DPYD: variants seen among roughly 807,000 people sequenced by gnomAD.
DPYD encodes the protein dihydropyrimidine dehydrogenase [NADP(+)].
DPYD carries 109 observed loss-of-function variants against 116.2 expected under a neutral mutation model. The ratio of observed to expected loss-of-function variants is 0.94; its 90% CI spans 0.80 to 1.10. DPYD has a LOEUF of 1.10. Among genes scored for constraint, DPYD ranks in the 50% least tolerant of loss-of-function variants. DPYD has a pLI of 0.00. For missense variants in DPYD, 1,302 were observed against 1,254.5 expected (o/e 1.04, Z -0.57); for synonymous variants, 440 against 432.0 (o/e 1.02, Z -0.23).
chr1:97,755,142 A>G (rs1434709742), intron 3 of DPYD, among the ~76,000 whole-genome samples: 1 of 152,146 alleles, frequency 6.6e-6, no homozygotes, highest in Non-Finnish European at 1.5e-5. Flanking sequence ...AGGTCTCAAG[A>G]ACAACTATAG....
At chr1:97,671,950 T>TA (rs1346569811) in intron 8 of DPYD, among the ~76,000 whole-genome samples, 2 of 148,734 alleles carry the variant, frequency 1.3e-5, no homozygotes, top group African/African-American at 4.9e-5. Flanking sequence ...TCTATTATTT[T>TA]TTTTTTTTTT....
intron 20 of DPYD, among the ~76,000 whole-genome samples, chr1:97,168,264 G>C (rs999454650): frequency 6.6e-6 from 1 of 152,132 alleles, no homozygotes; most frequent in Non-Finnish European, 1.5e-5. Context: ...GCTGTCAAAT[G>C]CCTTCCAGAA....
intron 13 of DPYD, among the ~76,000 whole-genome samples, chr1:97,472,714 G>A (rs1005618376): frequency 3.3e-5 from 5 of 152,088 alleles, no homozygotes; most frequent in African/African-American, 1.2e-4. Context: ...TTGGGAATTT[G>A]ATTATAAAAC....
At chr1:97,920,717 C>G (rs1482712973) in intron 1 of DPYD, among the ~76,000 whole-genome samples, 167 bp downstream of exon 1, 1 of 152,208 alleles carries the variant, frequency 6.6e-6, no homozygotes, top group African/African-American at 2.4e-5. Flanking sequence ...CCCACGCGGG[C>G]CTGTGGCTCC....
intron 18 of DPYD, among the ~76,000 whole-genome samples, chr1:97,266,438 G>T (rs1664229806): frequency 1.3e-5 from 2 of 152,132 alleles, no homozygotes; most frequent in Non-Finnish European, 2.9e-5. Flanking sequence ...CTGCAGTTCA[G>T]GGTTCTGCAT....
At chr1:97,849,476 T>C (rs1670468308) in intron 2 of DPYD, among the ~76,000 whole-genome samples, 1 of 152,178 alleles carries the variant, frequency 6.6e-6, no homozygotes, top group African/African-American at 2.4e-5. Flanking sequence ...TCAACAGCCC[T>C]GTAAAAGAGC....
At chr1:97,491,686 C>G (rs999131735) in intron 13 of DPYD, among the ~76,000 whole-genome samples, 1 of 151,906 alleles carries the variant, frequency 6.6e-6, no homozygotes, top group Non-Finnish European at 1.5e-5. Context: ...CAACAAATAA[C>G]AATATAAACA....
At chr1:97,372,197 C>T (rs2101506920) in intron 16 of DPYD, among the ~76,000 whole-genome samples, 1 of 152,248 alleles carries the variant, frequency 6.6e-6, no homozygotes, top group African/African-American at 2.4e-5. Context: ...GATTTAAAAC[C>T]TCCGTAGTTG....
chr1:97,712,662 G>A (rs1662358200), intron 5 of DPYD, among the ~76,000 whole-genome samples: 1 of 151,926 alleles, frequency 6.6e-6, no homozygotes, highest in Non-Finnish European at 1.5e-5. Context: ...GGTGTGTGTG[G>A]CCTTCAATCA....
intron 13 of DPYD, among the ~76,000 whole-genome samples, chr1:97,471,662 C>A (rs1337323412): frequency 1.3e-5 from 2 of 151,116 alleles, no homozygotes; most frequent in Admixed American, 1.3e-4. Flanking sequence ...AATCTTGGCT[C>A]ACTGTAACCT....
intron 4 of DPYD, among the ~76,000 whole-genome samples, chr1:97,728,280 T>C (rs1021384233): frequency 1.3e-5 from 2 of 152,116 alleles, no homozygotes; most frequent in African/African-American, 4.8e-5. Context: ...TTGAATTTTC[T>C]ATTAGTCCTT....
chr1:97,749,482 A>G (rs894478169), intron 3 of DPYD, among the ~76,000 whole-genome samples: 1 of 152,210 alleles, frequency 6.6e-6, no homozygotes, highest in African/African-American at 2.4e-5. Context: ...AAAGCTTTAC[A>G]AAGAATTCAG....
intron 5 of DPYD, among the ~76,000 whole-genome samples, chr1:97,710,755 T>G (rs542386862): frequency 2.0e-5 from 3 of 151,876 alleles, no homozygotes; most frequent in Middle Eastern, 3.4e-3. Flanking sequence ...ACTAGCTCCC[T>G]GGATAATAGA....
chr1:97,418,161 T>C (rs1050044184), intron 14 of DPYD, among the ~76,000 whole-genome samples: 21 of 152,204 alleles, frequency 1.4e-4, no homozygotes, highest in African/African-American at 3.6e-4. Flanking sequence ...TAATAAAGTA[T>C]TAATAACTAC....
intron 16 of DPYD, among the ~76,000 whole-genome samples, chr1:97,351,050 A>G (rs1036845553): frequency 6.6e-6 from 1 of 152,152 alleles, no homozygotes; most frequent in Non-Finnish European, 1.5e-5. Context: ...TTCAGCCACT[A>G]TAAATAATTT....
intron 18 of DPYD, among the ~76,000 whole-genome samples, chr1:97,247,860 T>C (rs933504538): frequency 6.6e-6 from 1 of 152,144 alleles, no homozygotes; most frequent in African/African-American, 2.4e-5. Flanking sequence ...ACAAGTTGAA[T>C]TCATAATAAA....
intron 20 of DPYD, among the ~76,000 whole-genome samples, chr1:97,116,671 C>T (rs1258016256): frequency 6.6e-6 from 1 of 151,592 alleles, no homozygotes; most frequent in Non-Finnish European, 1.5e-5. Flanking sequence ...GACCCTGTCT[C>T]AAAATAAATA....
chr1:97,101,699 C>T (rs1650702064), intron 20 of DPYD, among the ~76,000 whole-genome samples: 1 of 151,974 alleles, frequency 6.6e-6, no homozygotes, highest in South Asian at 2.1e-4. Flanking sequence ...GGAGCTTTTC[C>T]TCTTCATTCA....
At chr1:97,484,494 G>A (rs1678506550) in intron 13 of DPYD, among the ~76,000 whole-genome samples, 1 of 152,114 alleles carries the variant, frequency 6.6e-6, no homozygotes, top group African/African-American at 2.4e-5. Flanking sequence ...ATTGGTGCGG[G>A]TCTTTCTTAT....
Sources: gnomAD v4.1 joint callset for allele counts (sites outside exome capture counted in the v4.1 genomes callset) on GRCh38, gnomAD v4.1.1 for gene constraint, MANE v1.5 for transcripts, NCBI Gene and HGNC (gene_info 2026-07-23, HGNC 2026-07-21) for gene names.